Variants in MIER2 observed in about 807,000 individuals in gnomAD.
The protein encoded by MIER2 is MIER family member 2, also known as mesoderm induction early response protein 2.
In MIER2, 30 loss-of-function variants were observed where a neutral mutation model predicts 67.6. The ratio of observed to expected loss-of-function variants is 0.44; its 90% CI spans 0.33 to 0.60. MIER2 has a LOEUF of 0.60. Ranked by LOEUF, MIER2 falls within the 20% of genes least tolerant of loss-of-function variation. MIER2 has a pLI of 0.02. For missense variants in MIER2, 702 were observed against 745.1 expected (o/e 0.94, Z 0.67); for synonymous variants, 372 against 312.6 (o/e 1.19, Z -2.00).
Position 305,673 on chromosome 19 carries a change from T to TC in MIER2, c.*1016dup, listed in dbSNP as rs1568210759. 1 of 152,102 alleles carries TC rather than the reference T, an allele frequency of 6.6e-6. No homozygotes were observed. Among genetic ancestry groups the TC allele is most frequent in the African/African-American group, 2.4e-5 (1 of 41,284 alleles). 9.4% of individuals were successfully genotyped at this position (152,102 alleles called of 1,614,324 possible). ...CTTGGTGGGGTGAGGGATGGTCGAG[T>TC]CCAACTCGGAAAGGGGCTCGAGCAC... On this transcript the variant is annotated 3_prime_UTR_variant, in exon 14 of 14. Coordinates refer to ENST00000264819, the MANE Select transcript of MIER2 (RefSeq NM_017550.3).
At chr19:327,821 C>T (rs7257040) in intron 4 of MIER2, 43 bp downstream of exon 4, 6 of 1,606,456 alleles carry the variant, frequency 3.7e-6, no homozygotes, top group South Asian at 1.1e-5. Context: ...CAGGCCCCCC[C>T]ACCTTCAGCT....
rs1258140413 is a variant in MIER2, at chr19:310,068, G to GGA, written c.985-1145_985-1144dup. On this transcript the variant is annotated intron_variant, in intron 10 of 13. Coordinates refer to ENST00000264819, the MANE Select transcript of MIER2 (RefSeq NM_017550.3). ...CACACACACGCACACAAGGCTTCAG[G>GGA]GACACGAGAAGGGACACACAGCAAG... Among the ~76,000 whole-genome samples the GGA allele has an allele frequency of 1.5e-3, 226 of 151,534 alleles. 27 individuals carry two copies. Among genetic ancestry groups the GGA allele is most frequent in the Middle Eastern group, 3.4e-3 (1 of 294 alleles).
intron 2 of MIER2, among the ~76,000 whole-genome samples, chr19:335,298 G>A (rs1048178685): frequency 6.6e-6 from 1 of 152,258 alleles, no homozygotes; most frequent in African/African-American, 2.4e-5. Context: ...ACAGCCTGTA[G>A]GGCTGGGCAC....
At chr19:319,520 G>A (rs1971410153) in intron 7 of MIER2, among the ~76,000 whole-genome samples, 1 of 152,160 alleles carries the variant, frequency 6.6e-6, no homozygotes, top group Non-Finnish European at 1.5e-5. Flanking sequence ...GTGCAATGGC[G>A]AAATCTTGGC....
chr19:325,754 G>A, intron 6 of MIER2, 50 bp from the exon 7 acceptor site: 1 of 1,605,952 alleles, frequency 6.2e-7, no homozygotes, highest in South Asian at 1.1e-5. Flanking sequence ...ATCTAGGCCG[G>A]GCGGGAGGCT....
intron 3 of MIER2, among the ~76,000 whole-genome samples, chr19:328,356 A>G (rs1253090126): frequency 1.3e-5 from 2 of 152,070 alleles, no homozygotes; most frequent in Non-Finnish European, 2.9e-5. Flanking sequence ...ACTCAACATC[A>G]ATATATTAAA....
At position 308,986 on chromosome 19, in the gene MIER2, A is replaced by C; in HGVS notation, c.985-61T>G. 1 of 1,564,822 alleles carries C rather than the reference A, an allele frequency of 6.4e-7. No individual in the cohort carries two copies. The highest frequency in any genetic ancestry group is 1.8e-5 in the Admixed American group (1 of 56,728). ...GCTGCCCAGCCCCAGCACCTGCACCACGATCCCAGGACGTCCTGGGACCCC... is the reference window on the plus strand; with the variant it reads ...GCTGCCCAGCCCCAGCACCTGCACCCCGATCCCAGGACGTCCTGGGACCCC... On this transcript the variant is annotated intron_variant, in intron 10 of 13. Transcript: ENST00000264819. The surrounding 1 kb of genome is among the most constrained non-coding windows in gnomAD (Gnocchi z 9.1).
In MIER2 at chr19:313,692, C is replaced by A. The variant is rs758377070; in HGVS notation, c.656-49G>T. On this transcript the variant is annotated intron_variant, in intron 7 of 13. Coordinates refer to ENST00000264819, the MANE Select transcript of MIER2 (RefSeq NM_017550.3). ...CAGCTTGCAGGAACCCAATCTGCAC[C>A]CACACACGCCAGGACAAGCAAAGCA... is the stretch of plus-strand genomic sequence containing the variant. 1.9e-5 allele frequency: 30 copies of A among 1,584,840 alleles called. No individual in the cohort carries two copies. In the Middle Eastern group the frequency reaches 6.7e-4, roughly 35 times the overall value.
Position 325,485 on chromosome 19 carries a change from A to C in MIER2, c.655+150T>G, listed in dbSNP as rs543650944. 222 of 848,072 alleles carry C rather than the reference A, an allele frequency of 2.6e-4. 1 individual carries two copies. Among genetic ancestry groups the C allele is most frequent in the African/African-American group, 1.3e-3 (77 of 59,682 alleles). The allele number at this position is 848,072 out of a possible 1,614,324, so 52.5% of individuals were successfully genotyped here. ...GCAATAGGCCCACTGCAGCCACGAGAGCCTCCCACCTCCTCCAGCCACAGG... is the reference window on the plus strand; with the variant it reads ...GCAATAGGCCCACTGCAGCCACGAGCGCCTCCCACCTCCTCCAGCCACAGG... On this transcript the variant is annotated intron_variant, in intron 7 of 13. Transcript: ENST00000264819.
Position 312,214 on chromosome 19 carries a change from C to T in MIER2, c.866G>A (p.Arg289Gln), listed in dbSNP as rs775230145. 64 of 1,613,806 alleles carry T rather than the reference C, an allele frequency of 4.0e-5. No individual in the cohort carries two copies. The highest frequency in any genetic ancestry group is 2.1e-4 in the South Asian group (19 of 91,078). Residue 289 changes from arginine to glutamine, a missense_variant, in exon 9 of 14, where the codon CGG becomes CAG. Physicochemically the swap from Arg to Gln is conservative, Grantham distance 43. Coordinates refer to ENST00000264819, the MANE Select transcript of MIER2 (RefSeq NM_017550.3). ...FNVEEALRRL[R>Q]FNVKVIRDGL... The stretch of plus-strand genomic sequence containing the variant: ...ACCTCGGATCACCTTCACGTTGAAC[C>T]GCAGCCTTCGCAGGGCCTCCTCCAC...
intron 1 of MIER2, 109 bp downstream of exon 1, chr19:344,665 C>T (rs913250406): frequency 1.3e-6 from 1 of 745,864 alleles, no homozygotes; most frequent in African/African-American, 1.9e-5. Context: ...CCTCAGAGCT[C>T]CAGAGCGGGG....
chr19:313,649 C>T lies in MIER2; in HGVS notation c.656-6G>A. 1 of 1,608,890 alleles carries T rather than the reference C, an allele frequency of 6.2e-7. No individual in the cohort carries two copies. The highest frequency in any genetic ancestry group is 8.5e-7 in the Non-Finnish European group (1 of 1,179,524). On this transcript the variant is annotated splice_polypyrimidine_tract_variant and splice_region_variant and intron_variant, in intron 7 of 13. Transcript: ENST00000264819. ...CTGGTCTTCGTTCTCGTAGACTGCA[C>T]AAGCAGAGGGCAAAGGTCAGCTTGC... is the stretch of plus-strand genomic sequence containing the variant.
At position 306,517 on chromosome 19, in the gene MIER2, G is replaced by C; in HGVS notation, c.*173C>G. The C allele has an allele frequency of 1.1e-6, 1 of 884,468 alleles. No homozygotes were observed. Among genetic ancestry groups the C allele is most frequent in the Non-Finnish European group, 1.7e-6 (1 of 573,580 alleles). The allele number at this position is 884,468 out of a possible 1,614,324, so 54.8% of individuals were successfully genotyped here. ...CGTGGGTCCATTCTGTGTGGACAGGGGCAAGGGCTCACGGCCCAGCCACCT... is the reference window on the plus strand; with the variant it reads ...CGTGGGTCCATTCTGTGTGGACAGGCGCAAGGGCTCACGGCCCAGCCACCT... On this transcript the variant is annotated 3_prime_UTR_variant, in exon 14 of 14. Coordinates refer to ENST00000264819, the MANE Select transcript of MIER2 (RefSeq NM_017550.3).
chr19:328,377 G>A (rs1330333175), intron 3 of MIER2, among the ~76,000 whole-genome samples: 2 of 149,598 alleles, frequency 1.3e-5, no homozygotes, highest in African/African-American at 4.9e-5. Flanking sequence ...GGGGAAAAAA[G>A]TTATCTGAAA....
At position 308,952 on chromosome 19, in the gene MIER2, C is replaced by A; in HGVS notation, c.985-27G>T. On this transcript the variant is annotated intron_variant, in intron 10 of 13. Coordinates refer to ENST00000264819, the MANE Select transcript of MIER2 (RefSeq NM_017550.3). The surrounding 1 kb of genome is among the most constrained non-coding windows in gnomAD (Gnocchi z 9.1). ...TGCGGGGAGGGGTCAGGAGCCATCT[C>A]TGTCCCCGGCTGCCCAGCCCCAGCA... The A allele has an allele frequency of 1.3e-6, 2 of 1,585,168 alleles. No individual in the cohort carries two copies. Among genetic ancestry groups the A allele is most frequent in the Non-Finnish European group, 1.7e-6 (2 of 1,159,304 alleles).
At chr19:317,811 T>C (rs1487352983) in intron 7 of MIER2, among the ~76,000 whole-genome samples, 2 of 151,456 alleles carry the variant, frequency 1.3e-5, no homozygotes, top group Non-Finnish European at 2.9e-5. Context: ...ATGGTGGCAT[T>C]ACACAATTGT....
intron 10 of MIER2, among the ~76,000 whole-genome samples, chr19:311,459 G>A (rs1970995788): frequency 6.6e-6 from 1 of 152,234 alleles, no homozygotes. Flanking sequence ...GAGGGAACCA[G>A]GAGACCCCTG....
At chr19:321,519 C>T (rs1600139372) in intron 7 of MIER2, among the ~76,000 whole-genome samples, 1 of 151,974 alleles carries the variant, frequency 6.6e-6, no homozygotes, top group African/African-American at 2.4e-5. Context: ...GTGGCGGGTG[C>T]CTGTACTCCC....
At chr19:315,162 C>T (rs188518851) in intron 7 of MIER2, among the ~76,000 whole-genome samples, 150 of 150,112 alleles carry the variant, frequency 1.0e-3, no homozygotes, top group Middle Eastern at 3.5e-3. Flanking sequence ...GTCAGGAGTT[C>T]GAGACCAGCC....
Sources: allele counts gnomAD v4.1 joint callset (sites outside exome capture counted in the v4.1 genomes callset), GRCh38; gene constraint gnomAD v4.1.1; non-coding constraint Gnocchi (gnomAD v3.1); transcripts MANE v1.5; gene names NCBI Gene and HGNC (gene_info 2026-07-23, HGNC 2026-07-21).